The following TOGARAM2 variants were observed in gnomAD, a reference collection of about 807,000 sequenced individuals.
TOGARAM2 encodes TOG array regulator of axonemal microtubules 2, also known as TOG array regulator of axonemal microtubules protein 2.
Under a neutral mutation model 93.3 loss-of-function variants are expected in TOGARAM2, and 85 were observed. The ratio of observed to expected loss-of-function variants is 0.91; its 90% CI spans 0.76 to 1.09. The LOEUF is 1.09. TOGARAM2 is among the 50% of genes least tolerant of loss of function. The probability of loss-of-function intolerance (pLI) is 0.00; values close to 1 mark genes in which losing one functional copy is unlikely to be tolerated. For synonymous variants in TOGARAM2, 593 were observed against 552.8 expected (o/e 1.07, Z -1.02); for missense variants, 1,277 against 1,334.5 (o/e 0.96, Z 0.67).
At position 29,016,095 on chromosome 2, in the gene TOGARAM2, G is replaced by A. The variant is rs544792215; in HGVS notation, c.1045-1059G>A. 1.3e-4 allele frequency among the ~76,000 whole-genome samples: 20 copies of A among 152,238 alleles called. No individual in the cohort carries two copies. The South Asian group carries it at 3.9e-3, about 30-fold the overall frequency. The stretch of plus-strand genomic sequence containing the variant: ...TGTGTCTAAAACTCAACCCTTGAAT[G>A]CTCACCTCAGAAAACCTCCTCTCTC... On this transcript the variant is annotated intron_variant, in intron 8 of 19. Coordinates refer to ENST00000379558, the MANE Select transcript of TOGARAM2 (RefSeq NM_199280.4).
chr2:29,013,039 G>A (rs1004826437), intron 7 of TOGARAM2, among the ~76,000 whole-genome samples: 1 of 152,206 alleles, frequency 6.6e-6, no homozygotes, highest in African/African-American at 2.4e-5. Context: ...GAGGTAAGAT[G>A]CCTTTTCCAG....
At chr2:28,981,932 GGCAT>G (rs1259002033) in intron 1 of TOGARAM2, among the ~76,000 whole-genome samples, 1 of 152,198 alleles carries the variant, frequency 6.6e-6, no homozygotes, top group African/African-American at 2.4e-5. Context: ...GAAGGGTGGG[GGCAT>G]GCTGTGGGGA....
intron 2 of TOGARAM2, 149 bp downstream of exon 2, chr2:28,995,011 C>A: frequency 1.1e-6 from 1 of 940,768 alleles, no homozygotes; most frequent in South Asian, 1.5e-5. Context: ...CCAGCCCTGG[C>A]CAGCTCCCCA....
At chr2:28,975,288 A>G (rs1337173737) in intron 1 of TOGARAM2, among the ~76,000 whole-genome samples, 4 of 152,046 alleles carry the variant, frequency 2.6e-5, no homozygotes, top group Non-Finnish European at 4.4e-5. Flanking sequence ...TCCCAGGTTC[A>G]TGCCATTCTC....
chr2:29,017,802 C>T lies in TOGARAM2; in HGVS notation c.1206C>T (p.Pro402=), dbSNP rs917671769. 6.2e-7 allele frequency: 1 copy of T among 1,609,320 alleles called. No homozygotes were observed. The highest frequency in any genetic ancestry group is 1.7e-5 in the Admixed American group (1 of 59,608). The change falls in exon 10 of 20, where the codon CCC becomes CCT. Residue 402 remains proline, a synonymous_variant. Coordinates refer to ENST00000379558, the MANE Select transcript of TOGARAM2 (RefSeq NM_199280.4). ...QRAFMKEGLL[P]LRGSGTLSVP... ...TCTCTGTGTCCACAGGCCTCCTTCC[C>T]CTCCGGGGCAGCGGGACACTGTCTG...
At chr2:29,036,353 C>T (rs1370848135) in intron 17 of TOGARAM2, among the ~76,000 whole-genome samples, 188 bp from the exon 18 acceptor site, 2 of 152,154 alleles carry the variant, frequency 1.3e-5, no homozygotes, top group South Asian at 2.1e-4. Context: ...CTGTTGGTTC[C>T]TCCCCTCTTC....
At chr2:29,006,243 GGAGT>G (rs1290507615) in intron 6 of TOGARAM2, among the ~76,000 whole-genome samples, 8 of 146,702 alleles carry the variant, frequency 5.5e-5, no homozygotes, top group African/African-American at 2.0e-4. Flanking sequence ...AGCCATTTGT[GGAGT>G]GTGTGTGCAT....
At chr2:29,050,366 A>G (rs1666995061) in intron 19 of TOGARAM2, 1 of 152,218 alleles carries the variant, frequency 6.6e-6, no homozygotes, top group East Asian at 1.9e-4. Flanking sequence ...TCAATAAATA[A>G]ATAAAACAAA....
At chr2:29,020,039 G>A (rs1664838009) in intron 10 of TOGARAM2, among the ~76,000 whole-genome samples, 1 of 152,216 alleles carries the variant, frequency 6.6e-6, no homozygotes, top group Admixed American at 6.5e-5. Context: ...CAACAAAGGA[G>A]GGAAGGGGTT....
rs757373675 is a variant in TOGARAM2, at chr2:28,999,370, C to T, written c.329C>T (p.Pro110Leu). ...GDQPLVLLPS[P>L]ESEANSVARD... ...CAGCCCCTGGTGCTCCTCCCTTCTC[C>T]GGAGTCAGAGGCCAACAGCGTGGCC... The change falls in exon 4 of 20, where the codon CCG becomes CTG. Residue 110 changes from proline (P) to leucine (L), a missense_variant. By Grantham distance (98) the Pro-to-Leu change is moderately conservative. Transcript: ENST00000379558. 66 of 1,613,338 alleles carry T rather than the reference C, an allele frequency of 4.1e-5. No individual in the cohort carries two copies. The highest frequency in any genetic ancestry group is 1.0e-4 in the Admixed American group (6 of 59,940).
upstream of TOGARAM2, among the ~76,000 whole-genome samples, chr2:28,976,467 C>G (rs139289212): frequency 1.3e-5 from 2 of 152,332 alleles, no homozygotes; most frequent in Non-Finnish European, 2.9e-5. Flanking sequence ...CTCCCCTCCC[C>G]CTGCCCTCCA....
intron 1 of TOGARAM2, among the ~76,000 whole-genome samples, chr2:28,958,241 G>A (rs10197378): frequency 0.18 from 27,130 of 151,728 alleles, 2,719 homozygotes; most frequent in Middle Eastern, 0.23. Flanking sequence ...AGTGGAGAGC[G>A]TATGGCAAAT....
In TOGARAM2 at chr2:29,003,636, C is replaced by A. The variant is rs762031828; in HGVS notation, c.784C>A (p.Pro262Thr). 1 of 1,590,088 alleles carries A rather than the reference C, an allele frequency of 6.3e-7. No homozygotes were observed. ...RVPGSLPSPL[P>T]PGQGVLTGLR... ...GCCTGGCTCCCTTCCCAGCCCGTTA[C>A]CTCCAGGCCAGGGAGTCCTCACAGG... The change falls in exon 6 of 20, where the codon CCT (proline) becomes ACT (threonine). Residue 262 changes from proline (P) to threonine (T), a missense_variant. By Grantham distance (38) the Pro-to-Thr change is conservative (BLOSUM62 -1). Transcript: ENST00000379558.
intron 18 of TOGARAM2, among the ~76,000 whole-genome samples, chr2:29,042,903 A>G (rs1666519641): frequency 6.6e-6 from 1 of 152,240 alleles, no homozygotes; most frequent in Non-Finnish European, 1.5e-5. Flanking sequence ...TGTGATAACA[A>G]GTGGAGTTAT....
chr2:29,003,821 C>T, intron 6 of TOGARAM2, 139 bp downstream of exon 6: 1 of 828,020 alleles, frequency 1.2e-6, no homozygotes, highest in East Asian at 3.3e-5. Context: ...CTGGGGGCTC[C>T]ACCCATGAGC....
chr2:29,034,791 G>A (rs147238281), intron 16 of TOGARAM2, among the ~76,000 whole-genome samples: 1,752 of 152,280 alleles, frequency 0.012, 14 homozygotes, highest in Non-Finnish European at 0.015. Flanking sequence ...CAGGGATCAG[G>A]ATATAGGAGC....
At chr2:29,025,283 A>G (rs1665277759) in intron 13 of TOGARAM2, among the ~76,000 whole-genome samples, 1 of 152,210 alleles carries the variant, frequency 6.6e-6, no homozygotes, top group South Asian at 2.1e-4. Context: ...GGTTGTTATG[A>G]GAGGTAATTG....
At chr2:28,977,346 C>T (rs73922916), upstream of TOGARAM2, among the ~76,000 whole-genome samples, 179 of 152,194 alleles carry the variant, frequency 1.2e-3, no homozygotes, top group African/African-American at 4.2e-3. Flanking sequence ...AGCATACCAC[C>T]TCCTAGGGTC....
At chr2:29,022,627 G>A (rs958791608) in intron 11 of TOGARAM2, among the ~76,000 whole-genome samples, 17 of 152,222 alleles carry the variant, frequency 1.1e-4, no homozygotes, top group African/African-American at 2.9e-4. Context: ...CAGGAAGGCC[G>A]CAGCCCTTTA....
Sources: gnomAD v4.1 joint callset for allele counts (sites outside exome capture counted in the v4.1 genomes callset) on GRCh38, gnomAD v4.1.1 for gene constraint, MANE v1.5 for transcripts, NCBI Gene and HGNC (gene_info 2026-07-23, HGNC 2026-07-21) for gene names.